RAB14: variants seen among roughly 807,000 people sequenced by gnomAD.
The protein encoded by RAB14 is ras-related protein Rab-14.
Under a neutral mutation model 31.1 loss-of-function variants are expected in RAB14, and 3 were observed. The observed-to-expected ratio is 0.10, with a 90% CI of 0.04 to 0.25. The LOEUF (loss-of-function observed/expected upper bound fraction) is 0.25. RAB14 is among the 10% of genes least tolerant of loss of function. RAB14 has a pLI of 1.00. For synonymous variants in RAB14, 85 were observed against 84.9 expected (o/e 1.00, Z 0.00); for missense variants, 111 against 260.1 (o/e 0.43, Z 3.94).
chr9:121,187,527 A>G (rs774204829), intron 4 of RAB14, among the ~76,000 whole-genome samples: 4 of 152,116 alleles, frequency 2.6e-5, no homozygotes, highest in Non-Finnish European at 5.9e-5. Flanking sequence ...TTAATAATTT[A>G]AAGAGCAAGC....
Position 121,192,195 on chromosome 9 carries a change from G to A in RAB14, c.82C>T (p.Leu28Phe). The A allele has an allele frequency of 6.3e-7, 1 of 1,597,612 alleles. No individual in the cohort carries two copies. The highest frequency in any genetic ancestry group is 1.7e-5 in the Admixed American group (1 of 58,760). ...GDMGVGKSCL[L>F]HQFTEKKFMA... ...CATTTTTTTTCTGTAAATTGATGAA[G>A]CAAGCAAGATTTTCCTACTCCCATG... Residue 28 changes from leucine to phenylalanine, a missense_variant, in exon 3 of 8, where the codon CTT becomes TTT. By Grantham distance (22) the Leu-to-Phe change is conservative. Transcript: ENST00000373840.
At chr9:121,188,858 GT>G (rs1444767424) in intron 4 of RAB14, among the ~76,000 whole-genome samples, 4 of 152,054 alleles carry the variant, frequency 2.6e-5, no homozygotes, top group African/African-American at 9.6e-5. Flanking sequence ...TAATTTAGTT[GT>G]TTTAAGGATA....
In RAB14 at chr9:121,179,230, C is replaced by T. The variant is rs2053619216; in HGVS notation, c.*2166G>A. On this transcript the variant is annotated 3_prime_UTR_variant, in exon 8 of 8. Coordinates refer to ENST00000373840, the MANE Select transcript of RAB14 (RefSeq NM_016322.4). Reference sequence around the variant, plus strand: ...ACAGTGCTGCAATAAAAACTGATGACACGTCAAATTGTTCACCTGAAGAAA... The same window carrying T: ...ACAGTGCTGCAATAAAAACTGATGATACGTCAAATTGTTCACCTGAAGAAA... 1 of 152,430 alleles carries T rather than the reference C, an allele frequency of 6.6e-6. No homozygotes were observed. The allele number at this position is 152,430 out of a possible 1,614,324, so 9.4% of individuals were successfully genotyped here. A position where few individuals can be genotyped will look rare whatever the true frequency, so the allele number is the denominator to read the frequency against.
chr9:121,195,029 T>C (rs1330470845), intron 1 of RAB14, among the ~76,000 whole-genome samples: 1 of 152,154 alleles, frequency 6.6e-6, no homozygotes, highest in Non-Finnish European at 1.5e-5. Context: ...GGAGTTTTTC[T>C]AGTTAGATTA....
intron 2 of RAB14, 58 bp from the exon 3 acceptor site, chr9:121,192,282 A>AT: frequency 7.7e-7 from 1 of 1,304,234 alleles, no homozygotes; most frequent in South Asian, 1.2e-5. Flanking sequence ...TTATGCAATG[A>AT]TCGCTATATT....
At chr9:121,185,504 A>G (rs910707630) in intron 5 of RAB14, among the ~76,000 whole-genome samples, 2 of 152,076 alleles carry the variant, frequency 1.3e-5, no homozygotes, top group Non-Finnish European at 2.9e-5. Flanking sequence ...GAACTGTTCT[A>G]TCACTACAAA....
intron 5 of RAB14, among the ~76,000 whole-genome samples, chr9:121,186,726 T>A (rs1192073340): frequency 6.6e-6 from 1 of 152,136 alleles, no homozygotes; most frequent in Non-Finnish European, 1.5e-5. Flanking sequence ...ACATTCATAA[T>A]AGTAATGACA....
intron 5 of RAB14, among the ~76,000 whole-genome samples, chr9:121,183,768 G>A (rs2053645685): frequency 6.6e-6 from 1 of 152,152 alleles, no homozygotes; most frequent in Non-Finnish European, 1.5e-5. Flanking sequence ...AACAGGCTGT[G>A]GGCTGAATGT....
Position 121,194,025 on chromosome 9 carries a change from AT to A in RAB14, c.-7-607del, listed in dbSNP as rs575226003. 2.9e-3 allele frequency among the ~76,000 whole-genome samples: 444 copies of A among 152,084 alleles called. 4 individuals are homozygous for A. The highest frequency in any genetic ancestry group is 0.02 in the Middle Eastern group (6 of 294). ...TCACATGAAACTGTTCTTCCTATAG[AT>A]TTTTCAAGTCAAAGTTTATTGGCAT... On this transcript the variant is annotated intron_variant, in intron 1 of 7. Coordinates refer to ENST00000373840, the MANE Select transcript of RAB14 (RefSeq NM_016322.4).
At chr9:121,185,062 G>A (rs2053651960) in intron 5 of RAB14, among the ~76,000 whole-genome samples, 1 of 152,212 alleles carries the variant, frequency 6.6e-6, no homozygotes, top group Middle Eastern at 3.4e-3. Context: ...GAAATCAAGG[G>A]CAATTCTATA....
chr9:121,184,366 A>C (rs927315194), intron 5 of RAB14, among the ~76,000 whole-genome samples: 10 of 152,266 alleles, frequency 6.6e-5, no homozygotes, highest in African/African-American at 2.4e-4. Flanking sequence ...AGCTCTGCAA[A>C]GTTGTAAGAA....
rs10985177 is a variant in RAB14 at position 121,194,092 on chromosome 9, A to T, written c.-7-673T>A. 3.7e-3 allele frequency among the ~76,000 whole-genome samples: 302 copies of T among 81,854 alleles called. 2 individuals carry two copies. Among genetic ancestry groups the T allele is most frequent in the South Asian group, 0.023 (48 of 2,058 alleles). The allele number at this position is 81,854 out of a possible 152,430, so 53.7% of individuals were successfully genotyped here. ...CCTAATACAGGACTTGCAGATTATCACTCACACACACACACACACACACAC... is the reference window on the plus strand; with the variant it reads ...CCTAATACAGGACTTGCAGATTATCTCTCACACACACACACACACACACAC... On this transcript the variant is annotated intron_variant, in intron 1 of 7. Coordinates refer to ENST00000373840, the MANE Select transcript of RAB14 (RefSeq NM_016322.4).
intron 1 of RAB14, among the ~76,000 whole-genome samples, chr9:121,199,039 CTT>C (rs2053734445): frequency 1.3e-5 from 2 of 152,140 alleles, no homozygotes; most frequent in East Asian, 3.9e-4. Context: ...GCAAAAGTAA[CTT>C]TGATGGTCTT....
chr9:121,201,348 G>A (rs532387540), intron 1 of RAB14, among the ~76,000 whole-genome samples: 1 of 152,230 alleles, frequency 6.6e-6, no homozygotes, highest in East Asian at 1.9e-4. Flanking sequence ...GGGAAGGCGA[G>A]GCCGGAACAC....
chr9:121,190,484 AT>A, intron 4 of RAB14, 69 bp downstream of exon 4: 1 of 1,382,108 alleles, frequency 7.2e-7, no homozygotes, highest in South Asian at 1.6e-5. Context: ...AAAAATGCCT[AT>A]CAATTTTTTT....
chr9:121,183,685 G>A (rs2053645251), intron 5 of RAB14, among the ~76,000 whole-genome samples: 1 of 152,088 alleles, frequency 6.6e-6, no homozygotes, highest in African/African-American at 2.4e-5. Context: ...GTTCGTTGCT[G>A]GGTTTTTTTG....
At chr9:121,192,472 T>C (rs1370997469) in intron 2 of RAB14, among the ~76,000 whole-genome samples, 1 of 152,090 alleles carries the variant, frequency 6.6e-6, no homozygotes, top group Non-Finnish European at 1.5e-5. Context: ...AGCTGGGAAG[T>C]GCTTATTTTT....
chr9:121,192,157 T>A lies in RAB14; in HGVS notation c.106+14A>T, dbSNP rs752962083. ...AAGAAAACTATTAATGTTTACCTCA[T>A]GTATTGAACTTACATTTTTTTTCTG... On this transcript the variant is annotated intron_variant, in intron 3 of 7. Coordinates refer to ENST00000373840, the MANE Select transcript of RAB14 (RefSeq NM_016322.4). The A allele has an allele frequency of 6.5e-7, 1 of 1,542,252 alleles. No individual in the cohort carries two copies. The highest frequency in any genetic ancestry group is 1.1e-5 in the South Asian group (1 of 88,062).
In RAB14 at chr9:121,178,540, C is replaced by T. The variant is rs1321554939; in HGVS notation, c.*2856G>A. 1 of 152,580 alleles carries T rather than the reference C, an allele frequency of 6.6e-6. No homozygotes were observed. Among genetic ancestry groups the T allele is most frequent in the African/African-American group, 2.4e-5 (1 of 41,438 alleles). 9.5% of individuals were successfully genotyped at this position (152,580 alleles called of 1,614,324 possible). ...AACCACTCATTTTTTTAAAATCACA[C>T]TTAAAAGACACATGGGCAAAAAAGT... On this transcript the variant is annotated 3_prime_UTR_variant, in exon 8 of 8. Coordinates refer to ENST00000373840, the MANE Select transcript of RAB14 (RefSeq NM_016322.4).
Sources: allele counts gnomAD v4.1 joint callset (sites outside exome capture counted in the v4.1 genomes callset), GRCh38; gene constraint gnomAD v4.1.1; transcripts MANE v1.5; gene names NCBI Gene and HGNC (gene_info 2026-07-23, HGNC 2026-07-21).